Variants in ST3GAL1 observed in about 807,000 individuals in gnomAD.
The protein encoded by ST3GAL1 is CMP-N-acetylneuraminate-beta-galactosamide-alpha-2,3-sialyltransferase 1.
ST3GAL1 carries 16 observed loss-of-function variants against 34.1 expected under a neutral mutation model. That is an observed-to-expected ratio of 0.47 (90% CI 0.32 to 0.71). The LOEUF (loss-of-function observed/expected upper bound fraction) is 0.71, where lower values mean the gene tolerates loss of function less well. Ranked by LOEUF, ST3GAL1 falls within the 30% of genes least tolerant of loss-of-function variation. ST3GAL1 has a pLI of 0.04. For synonymous variants in ST3GAL1, 191 were observed against 184.7 expected, an observed-to-expected ratio of 1.03 and a Z score of -0.28; for missense variants, 353 against 447.4, an observed-to-expected ratio of 0.79 and a Z score of 1.90.
intron 2 of ST3GAL1, among the ~76,000 whole-genome samples, chr8:133,522,368 G>A (rs1379648812): frequency 1.3e-5 from 2 of 152,180 alleles, no homozygotes; most frequent in Non-Finnish European, 2.9e-5. Context: ...GGCACAGAAG[G>A]TTCCCTGCTT....
At chr8:133,547,062 C>T (rs546211152) in intron 1 of ST3GAL1, among the ~76,000 whole-genome samples, 2 of 151,648 alleles carry the variant, frequency 1.3e-5, no homozygotes, top group African/African-American at 4.8e-5. Flanking sequence ...ACCCTCAACT[C>T]TTAACCACTG....
intron 2 of ST3GAL1, among the ~76,000 whole-genome samples, chr8:133,511,639 C>T (rs1474113): frequency 0.26 from 39,170 of 152,150 alleles, 5,273 homozygotes; most frequent in African/African-American, 0.31. Context: ...GCCACACCAA[C>T]AGATACTACC....
intron 2 of ST3GAL1, among the ~76,000 whole-genome samples, chr8:133,524,780 C>G (rs73711007): frequency 1.9e-4 from 29 of 152,370 alleles, no homozygotes; most frequent in African/African-American, 7.0e-4. Flanking sequence ...CATTTCTGGA[C>G]CCATGTCTGG....
At chr8:133,558,524 CT>C (rs1563742720) in intron 1 of ST3GAL1, among the ~76,000 whole-genome samples, 1 of 152,186 alleles carries the variant, frequency 6.6e-6, no homozygotes. Context: ...TTTGCAAATG[CT>C]AAGATTTTAT....
intron 6 of ST3GAL1, chr8:133,465,660 G>A (rs1396698016): frequency 1.6e-5 from 7 of 430,718 alleles, no homozygotes; most frequent in African/African-American, 4.0e-5. Flanking sequence ...GGGACCTCCC[G>A]TGTATGGCTT....
intron 9 of ST3GAL1, among the ~76,000 whole-genome samples, chr8:133,460,791 G>A (rs1233518629): frequency 6.6e-6 from 1 of 152,154 alleles, no homozygotes; most frequent in Non-Finnish European, 1.5e-5. Flanking sequence ...TGTGAGTTGG[G>A]TCTTGGAAAA....
At chr8:133,541,120 T>TATATATAGAG (rs71299078) in intron 2 of ST3GAL1, among the ~76,000 whole-genome samples, 9 of 48,628 alleles carry the variant, frequency 1.9e-4, no homozygotes, top group African/African-American at 6.9e-4. Flanking sequence ...TATATATATA[T>TATATATAGAG]AGAGAGAGAG....
In ST3GAL1 at chr8:133,545,834, T is replaced by C. The variant is rs1286741574; in HGVS notation, c.-489A>G. 1 of 152,236 alleles carries C rather than the reference T, an allele frequency of 6.6e-6. No homozygotes were observed. The highest frequency in any genetic ancestry group is 1.5e-5 in the Non-Finnish European group (1 of 68,040). 9.4% of individuals were successfully genotyped at this position (152,236 alleles called of 1,614,324 possible). A position where few individuals can be genotyped will look rare whatever the true frequency, so the allele number is the denominator to read the frequency against. On this transcript the variant is annotated 5_prime_UTR_variant, in exon 2 of 10. It removes the in-frame stop codon of an upstream open reading frame in the 5' UTR. Coordinates refer to ENST00000522652, the MANE Select transcript of ST3GAL1 (RefSeq NM_173344.3). ...CAAATGGAATTGTCCTGACCCAAGC[T>C]CAATGCATTTGCTCACTGCAGCTCT...
intron 6 of ST3GAL1, chr8:133,465,530 T>C (rs1242632917): frequency 1.0e-5 from 2 of 193,534 alleles, no homozygotes; most frequent in Non-Finnish European, 2.1e-5. Flanking sequence ...ATATTTTACA[T>C]AAAATATGTG....
chr8:133,571,669 G>C lies in ST3GAL1; in HGVS notation c.-582+24C>G, dbSNP rs1819575532. The C allele has an allele frequency of 6.5e-6, 1 of 152,836 alleles. No individual in the cohort carries two copies. Among genetic ancestry groups the C allele is most frequent in the South Asian group, 2.1e-4 (1 of 4,842 alleles). The allele number at this position is 152,836 out of a possible 1,614,324, so 9.5% of individuals were successfully genotyped here. On this transcript the variant is annotated intron_variant, in intron 1 of 9. Coordinates refer to ENST00000522652, the MANE Select transcript of ST3GAL1 (RefSeq NM_173344.3). This position sits in a 1 kb window ranked among gnomAD's most constrained non-coding sequence, Gnocchi z 6.7. ...GCAGCCCCCGCGCACCCCGAGCAGGGTTCGCCTCCGCGCGCGCACTCACCA... is the reference window on the plus strand; with the variant it reads ...GCAGCCCCCGCGCACCCCGAGCAGGCTTCGCCTCCGCGCGCGCACTCACCA...
chr8:133,558,974 A>G (rs147523432), intron 1 of ST3GAL1, among the ~76,000 whole-genome samples: 236 of 151,784 alleles, frequency 1.6e-3, no homozygotes, highest in African/African-American at 5.5e-3. Context: ...ACACCCCAAA[A>G]AGCTGTGCAT....
rs975906909 is a variant in ST3GAL1 at position 133,473,568 on chromosome 8, C to G, written c.306+2151G>C. ...AACGTGGTCCCAGCAACTGCTGCTA[C>G]AGGGGGAATCAGATCCAGAGAGGAG... On this transcript the variant is annotated intron_variant, in intron 5 of 9. Coordinates refer to ENST00000522652, the MANE Select transcript of ST3GAL1 (RefSeq NM_173344.3). Among the ~76,000 whole-genome samples the G allele has an allele frequency of 2.0e-5, 3 of 152,236 alleles. No individual in the cohort carries two copies. The South Asian group carries it at 6.2e-4, about 31-fold the overall frequency.
intron 3 of ST3GAL1, among the ~76,000 whole-genome samples, chr8:133,488,992 C>T (rs1161350598): frequency 2.6e-5 from 4 of 152,160 alleles, no homozygotes; most frequent in South Asian, 4.1e-4. Flanking sequence ...ACTGCCTTGG[C>T]GCCCTCCCTG....
At chr8:133,547,591 G>C (rs1818706699) in intron 1 of ST3GAL1, among the ~76,000 whole-genome samples, 1 of 152,154 alleles carries the variant, frequency 6.6e-6, no homozygotes, top group African/African-American at 2.4e-5. Context: ...AATGTGTGGA[G>C]AGAGGCTGAG....
intron 9 of ST3GAL1, among the ~76,000 whole-genome samples, chr8:133,460,808 C>T (rs969908534): frequency 1.3e-5 from 2 of 151,720 alleles, no homozygotes; most frequent in African/African-American, 2.4e-5. Context: ...AAAATGAGTA[C>T]AAGATGACCA....
Position 133,459,482 on chromosome 8 carries a change from G to A in ST3GAL1, c.*282C>T, listed in dbSNP as rs540782442. On this transcript the variant is annotated 3_prime_UTR_variant, in exon 10 of 10. Coordinates refer to ENST00000522652, the MANE Select transcript of ST3GAL1 (RefSeq NM_173344.3). The surrounding 1 kb of genome is among the most constrained non-coding windows in gnomAD (Gnocchi z 4.7). ...GGAGCCAAAATGATTTTAGTGTGTG[G>A]AGGTTGAACCTTTCCCAGCGTCTCC... The A allele has an allele frequency of 2.3e-5, 7 of 310,972 alleles. No individual in the cohort carries two copies. In the Admixed American group the frequency reaches 3.5e-4, roughly 16 times the overall value. 19.3% of individuals were successfully genotyped at this position (310,972 alleles called of 1,614,324 possible).
chr8:133,536,827 G>A (rs1818325809), intron 2 of ST3GAL1, among the ~76,000 whole-genome samples: 1 of 152,022 alleles, frequency 6.6e-6, no homozygotes, highest in African/African-American at 2.4e-5. Context: ...TTACAGATGG[G>A]GAAACCAAGT....
chr8:133,562,197 G>A (rs959077395), intron 1 of ST3GAL1, among the ~76,000 whole-genome samples: 3 of 148,890 alleles, frequency 2.0e-5, no homozygotes, highest in Admixed American at 1.4e-4. Flanking sequence ...CTTCTCCCCT[G>A]TGAATCCACA....
intron 2 of ST3GAL1, among the ~76,000 whole-genome samples, chr8:133,545,453 C>T (rs1010189627): frequency 1.3e-5 from 2 of 152,228 alleles, no homozygotes; most frequent in African/African-American, 4.8e-5. Context: ...GTCAGGATGA[C>T]AGGCCCTTGT....
Sources: gnomAD v4.1 joint callset for allele counts (sites outside exome capture counted in the v4.1 genomes callset) on GRCh38, gnomAD v4.1.1 for gene constraint, Gnocchi (gnomAD v3.1) non-coding constraint, MANE v1.5 for transcripts, NCBI Gene and HGNC (gene_info 2026-07-23, HGNC 2026-07-21) for gene names.